Variants in ASH1L observed in about 807,000 individuals in gnomAD.
ASH1L encodes ASH1 like histone lysine methyltransferase.
Under a neutral mutation model 269.0 loss-of-function variants are expected in ASH1L, and 23 were observed. The observed-to-expected ratio is 0.09, with a 90% CI of 0.06 to 0.12. ASH1L has a LOEUF of 0.12. Ranked by LOEUF, ASH1L falls within the 10% of genes least tolerant of loss-of-function variation. The probability of loss-of-function intolerance (pLI) is 1.00; values close to 1 mark genes in which losing one functional copy is unlikely to be tolerated. For missense variants in ASH1L, 2,912 were observed against 3,567.8 expected, an observed-to-expected ratio of 0.82 and a Z score of 4.68; for synonymous variants, 1,187 against 1,253.5, an observed-to-expected ratio of 0.95 and a Z score of 1.12.
At chr1:155,542,659 T>C (rs1670506866) in intron 1 of ASH1L, among the ~76,000 whole-genome samples, 1 of 150,410 alleles carries the variant, frequency 6.6e-6, no homozygotes, top group Non-Finnish European at 1.5e-5. Context: ...AAGGCAAAAT[T>C]CATGCTGTAA....
At chr1:155,361,639 C>T (rs879774468) in intron 12 of ASH1L, among the ~76,000 whole-genome samples, 17 of 151,044 alleles carry the variant, frequency 1.1e-4, no homozygotes, top group Non-Finnish European at 1.3e-4. Flanking sequence ...GCGGAGGTTG[C>T]GGTGAGCCAA....
At position 155,480,936 on chromosome 1, in the gene ASH1L, C is replaced by T. The variant is rs1233977039; in HGVS notation, c.1934G>A (p.Arg645Lys). ...DSKTTHIDIP[R>K]ISSSLGKKPS... ...CTTTTTTCCAAGGGAAGAGCTTATT[C>T]TTGGAATATCTATATGGGTAGTTTT... The change falls in exon 3 of 28, where the codon AGA becomes AAA. Residue 645 changes from arginine (R) to lysine (K), a missense_variant. Transcript: ENST00000392403. 1 of 1,613,856 alleles carries T rather than the reference C, an allele frequency of 6.2e-7. No homozygotes were observed. The highest frequency in any genetic ancestry group is 1.3e-5 in the African/African-American group (1 of 74,904).
At chr1:155,392,687 C>T (rs1235339987) in intron 7 of ASH1L, among the ~76,000 whole-genome samples, 1 of 152,052 alleles carries the variant, frequency 6.6e-6, no homozygotes, top group Non-Finnish European at 1.5e-5. Flanking sequence ...TGGGGTTTCA[C>T]CATGTTGGCC....
At chr1:155,551,488 G>A (rs111293015) in intron 1 of ASH1L, among the ~76,000 whole-genome samples, 15,163 of 150,512 alleles carry the variant, frequency 0.1, 1,080 homozygotes, top group Middle Eastern at 0.2. Flanking sequence ...GTGAAACCCC[G>A]TCTCTACTAA....
chr1:155,477,660 T>C (rs1191646191), intron 3 of ASH1L, among the ~76,000 whole-genome samples: 1 of 152,178 alleles, frequency 6.6e-6, no homozygotes, highest in African/African-American at 2.4e-5. Context: ...TATGTATATT[T>C]CTTTCTTTTT....
At chr1:155,549,455 T>C (rs999846002) in intron 1 of ASH1L, among the ~76,000 whole-genome samples, 9 of 151,988 alleles carry the variant, frequency 5.9e-5, no homozygotes, top group Middle Eastern at 3.2e-3. Context: ...CTGGGCAACA[T>C]AGTGAAACCC....
chr1:155,354,480 G>T lies in ASH1L; in HGVS notation c.7206C>A (p.Ile2402=). The T allele has an allele frequency of 6.2e-7, 1 of 1,606,666 alleles. No homozygotes were observed. The highest frequency in any genetic ancestry group is 8.5e-7 in the Non-Finnish European group (1 of 1,178,152). The stretch of plus-strand genomic sequence containing the variant: ...ATGTTTCAAATGCCTTACCAGACTT[G>T]ATATTCCCATCATCTCGGCAGATCC... ...WNGICRDDGN[I]KSDVFMTQFS... is the part of the protein sequence containing the mutation. Residue 2402 remains isoleucine (I), a synonymous_variant, in exon 16 of 28, where the codon ATC becomes ATA. Coordinates refer to ENST00000392403, the MANE Select transcript of ASH1L (RefSeq NM_018489.3).
In ASH1L at chr1:155,521,549, T is replaced by C; in HGVS notation, c.-30A>G. On this transcript the variant is annotated 5_prime_UTR_variant, in exon 2 of 28. The change creates a new upstream start codon in the 5' untranslated region. Transcript: ENST00000392403. Reference sequence around the variant, plus strand: ...AGCGTATGTTATTGCCAAGGAATCTTATGAAAATTTTACAGAACTGTGTTC... The same window carrying C: ...AGCGTATGTTATTGCCAAGGAATCTCATGAAAATTTTACAGAACTGTGTTC... 6.4e-7 allele frequency: 1 copy of C among 1,564,678 alleles called. No homozygotes were observed. The highest frequency in any genetic ancestry group is 8.6e-7 in the Non-Finnish European group (1 of 1,159,930).
At chr1:155,358,125 T>C (rs886207726) in intron 13 of ASH1L, among the ~76,000 whole-genome samples, 1 of 152,118 alleles carries the variant, frequency 6.6e-6, no homozygotes, top group Non-Finnish European at 1.5e-5. Flanking sequence ...AGAGGATTCC[T>C]GAGCATTTGG....
At chr1:155,536,347 G>A (rs1272071323) in intron 1 of ASH1L, among the ~76,000 whole-genome samples, 1 of 152,164 alleles carries the variant, frequency 6.6e-6, no homozygotes, top group African/African-American at 2.4e-5. Context: ...GAGACAGGAA[G>A]CCATCAAAAT....
At position 155,562,195 on chromosome 1, in the gene ASH1L, A is replaced by AGGGAAGTG; in HGVS notation, c.-150_-143dup. On this transcript the variant is annotated 5_prime_UTR_variant, in exon 1 of 28. Coordinates refer to ENST00000392403, the MANE Select transcript of ASH1L (RefSeq NM_018489.3). Reference sequence around the variant, plus strand: ...CCGAGGCCGAGAGCGATGAGAGTGCAGGGAAGTGGGGAAGAGGGGGTGGCC... The same window carrying AGGGAAGTG: ...CCGAGGCCGAGAGCGATGAGAGTGCAGGGAAGTGGGGAAGTGGGGAAGAGGGGGTGGCC... 1 of 1,607,182 alleles carries AGGGAAGTG rather than the reference A, an allele frequency of 6.2e-7. No individual in the cohort carries two copies. Among genetic ancestry groups the AGGGAAGTG allele is most frequent in the Non-Finnish European group, 8.5e-7 (1 of 1,174,432 alleles).
In ASH1L at chr1:155,349,351, C is replaced by T; in HGVS notation, c.7530G>A (p.Met2510Ile). The change falls in exon 19 of 28, where the codon ATG becomes ATA. Residue 2510 changes from methionine (M) to isoleucine (I), a missense_variant. By Grantham distance (10) the Met-to-Ile change is conservative (BLOSUM62 1). Around this residue, in one of 13 missense-constraint regions of ASH1L, gnomAD observed 309 missense variants for 435.1 expected, o/e 0.71. Transcript: ENST00000392403. ...CCTCAGCATTCCGAAAGACTTTGAG[C>T]ATGTCAGCATCAAAAGCTTCCACTG... Reference protein sequence around the residue: ...YKTVEAFDADMLKVFRNAEKY... With the variant: ...YKTVEAFDADILKVFRNAEKY... The T allele has an allele frequency of 6.2e-7, 1 of 1,613,502 alleles. No individual in the cohort carries two copies. Among genetic ancestry groups the T allele is most frequent in the Non-Finnish European group, 8.5e-7 (1 of 1,179,614 alleles).
chr1:155,522,310 C>G (rs1276430963), intron 1 of ASH1L, among the ~76,000 whole-genome samples: 2 of 152,076 alleles, frequency 1.3e-5, no homozygotes, highest in African/African-American at 2.4e-5. Context: ...AAAATATTTC[C>G]AAACATCTAT....
intron 15 of ASH1L, 84 bp downstream of exon 15, chr1:155,357,232 C>A: frequency 2.0e-6 from 2 of 982,618 alleles, no homozygotes; most frequent in Non-Finnish European, 2.9e-6. Context: ...AGTGGATCAA[C>A]AATATAGAAG....
In ASH1L at chr1:155,478,101, C is replaced by T; in HGVS notation, c.4769G>A (p.Gly1590Glu). Residue 1590 changes from glycine to glutamate, a missense_variant, in exon 3 of 28, where the codon GGA becomes GAA. Coordinates refer to ENST00000392403, the MANE Select transcript of ASH1L (RefSeq NM_018489.3). This position sits in a 1 kb window ranked among gnomAD's most constrained non-coding sequence, Gnocchi z 4.6. ...GGCTGGCTCAGAGTTGGGAGTGAATCCTCCAAGGGATAAGCTTGGAGAACT... is the reference window on the plus strand; with the variant it reads ...GGCTGGCTCAGAGTTGGGAGTGAATTCTCCAAGGGATAAGCTTGGAGAACT... ...SESSPSLSLG[G>E]FTPNSEPASS... The T allele has an allele frequency of 1.2e-6, 2 of 1,614,076 alleles. No individual in the cohort carries two copies. The highest frequency in any genetic ancestry group is 1.7e-6 in the Non-Finnish European group (2 of 1,180,026).
In ASH1L at chr1:155,346,338, C is replaced by A. The variant is rs60981924; in HGVS notation, c.7890+45G>T. 8.9e-3 allele frequency: 14,101 copies of A among 1,584,330 alleles called. 723 individuals are homozygous for A. The African/African-American group carries it at 0.13, about 15-fold the overall frequency. ...AGGACAGGTGAGATACCATGTGCTACCTCTCCTACTTATAGATCAGAGTTT... is the reference window on the plus strand; with the variant it reads ...AGGACAGGTGAGATACCATGTGCTAACTCTCCTACTTATAGATCAGAGTTT... On this transcript the variant is annotated intron_variant, in intron 21 of 27. Transcript: ENST00000392403.
chr1:155,390,631 CT>C (rs758046226), intron 7 of ASH1L, among the ~76,000 whole-genome samples: 38 of 131,622 alleles, frequency 2.9e-4, no homozygotes, highest in East Asian at 1.5e-3. Flanking sequence ...TAATATCATT[CT>C]CCCCCCCCCC....
At chr1:155,431,992 C>G (rs970175687) in intron 5 of ASH1L, among the ~76,000 whole-genome samples, 1 of 152,086 alleles carries the variant, frequency 6.6e-6, no homozygotes, top group Non-Finnish European at 1.5e-5. Context: ...GGATTTGAAC[C>G]TAGGTTTTCC....
chr1:155,371,859 A>AAT (rs1655981428), intron 10 of ASH1L, among the ~76,000 whole-genome samples: 1 of 151,536 alleles, frequency 6.6e-6, no homozygotes, highest in Non-Finnish European at 1.5e-5. Context: ...ACACCCGGCT[A>AAT]TTTTTTGTAT....
Sources: gnomAD v4.1 joint callset for allele counts (sites outside exome capture counted in the v4.1 genomes callset) on GRCh38, gnomAD v4.1.1 for gene constraint, gnomAD v4.1.1 regional missense constraint, Gnocchi (gnomAD v3.1) non-coding constraint, MANE v1.5 for transcripts, NCBI Gene and HGNC (gene_info 2026-07-23, HGNC 2026-07-21) for gene names.